The following ATF7IP variants were observed in gnomAD, a reference collection of about 807,000 sequenced individuals.
ATF7IP encodes activating transcription factor 7 interacting protein.
In ATF7IP, 23 loss-of-function variants were observed where a neutral mutation model predicts 106.4. The observed-to-expected ratio is 0.22, with a 90% CI of 0.16 to 0.31. The LOEUF (loss-of-function observed/expected upper bound fraction) is 0.31. ATF7IP is among the 10% of genes least tolerant of loss of function. The pLI, the probability that ATF7IP is intolerant of heterozygous loss-of-function variation, is 1.00. For missense variants in ATF7IP, 1,334 were observed against 1,524.3 expected (o/e 0.88, Z 2.08); for synonymous variants, 542 against 539.0 (o/e 1.01, Z -0.08).
At chr12:14,495,276 T>C (rs535782313) in intron 13 of ATF7IP, among the ~76,000 whole-genome samples, 1 of 152,336 alleles carries the variant, frequency 6.6e-6, no homozygotes, top group Non-Finnish European at 1.5e-5. Context: ...TTCAATCTAA[T>C]CAAGTTGACA....
At chr12:14,414,907 T>G (rs1941123149) in intron 1 of ATF7IP, among the ~76,000 whole-genome samples, 1 of 152,130 alleles carries the variant, frequency 6.6e-6, no homozygotes, top group South Asian at 2.1e-4. Flanking sequence ...GAAAAGTACG[T>G]TTGGACAAAT....
chr12:14,419,409 T>A (rs1477559846), intron 1 of ATF7IP: 1 of 152,226 alleles, frequency 6.6e-6, no homozygotes, highest in Non-Finnish European at 1.5e-5. Flanking sequence ...ATGAATTTTT[T>A]AAAAGGAATA....
At chr12:14,392,665 G>A (rs190091073) in intron 1 of ATF7IP, among the ~76,000 whole-genome samples, 14 of 152,322 alleles carry the variant, frequency 9.2e-5, no homozygotes, top group Admixed American at 5.9e-4. Flanking sequence ...CTTAAGGATT[G>A]TGAATGCTGT....
At chr12:14,432,932 G>A (rs963586974) in intron 2 of ATF7IP, among the ~76,000 whole-genome samples, 4 of 152,116 alleles carry the variant, frequency 2.6e-5, no homozygotes. Flanking sequence ...TAATGAGTAG[G>A]TTAGTTGAAG....
intron 5 of ATF7IP, among the ~76,000 whole-genome samples, chr12:14,443,291 T>C (rs1028215529): frequency 6.6e-6 from 1 of 152,208 alleles, no homozygotes; most frequent in African/African-American, 2.4e-5. Flanking sequence ...AGGTAATTCT[T>C]GTCTGATGTA....
At chr12:14,370,985 A>G (rs1359506472) in intron 1 of ATF7IP, among the ~76,000 whole-genome samples, 1 of 151,796 alleles carries the variant, frequency 6.6e-6, no homozygotes, top group Non-Finnish European at 1.5e-5. Flanking sequence ...CATAATAAAG[A>G]TAAAAAATTT....
At chr12:14,456,953 T>G (rs1943450493) in intron 7 of ATF7IP, among the ~76,000 whole-genome samples, 1 of 152,224 alleles carries the variant, frequency 6.6e-6, no homozygotes, top group South Asian at 2.1e-4. Flanking sequence ...GGACCTACTT[T>G]TGGTATTCAG....
At chr12:14,389,416 C>A (rs1260793711) in intron 1 of ATF7IP, among the ~76,000 whole-genome samples, 1 of 152,116 alleles carries the variant, frequency 6.6e-6, no homozygotes, top group Non-Finnish European at 1.5e-5. Context: ...TATAGTCTGG[C>A]TGAGTTCTTC....
chr12:14,390,241 T>C (rs935596384), intron 1 of ATF7IP, among the ~76,000 whole-genome samples: 4 of 152,194 alleles, frequency 2.6e-5, no homozygotes, highest in Admixed American at 2.6e-4. Context: ...TTTAGCCTAC[T>C]TTACTTGGTA....
chr12:14,480,949 T>A (rs200388365), intron 12 of ATF7IP, 54 bp from the exon 13 acceptor site: 263 of 1,520,712 alleles, frequency 1.7e-4, no homozygotes, highest in African/African-American at 5.5e-5. Flanking sequence ...TTAATACTGT[T>A]TGCTTAACGT....
intron 13 of ATF7IP, among the ~76,000 whole-genome samples, chr12:14,495,365 AC>A (rs1184294009): frequency 5.3e-5 from 8 of 152,348 alleles, no homozygotes; most frequent in African/African-American, 1.9e-4. Flanking sequence ...TTAAAGAAAC[AC>A]AGTAATGCTA....
chr12:14,417,063 G>A, intron 1 of ATF7IP: 1 of 426,746 alleles, frequency 2.3e-6, no homozygotes, highest in African/African-American at 2.1e-5. Flanking sequence ...AAAAAATTCT[G>A]ATAACAAATT....
chr12:14,447,426 T>C (rs1023452928), intron 6 of ATF7IP, among the ~76,000 whole-genome samples: 3 of 151,688 alleles, frequency 2.0e-5, no homozygotes, highest in Admixed American at 6.6e-5. Context: ...GGATTACAGG[T>C]GCCCACCACC....
At chr12:14,366,942 T>C (rs1938323969) in intron 1 of ATF7IP, among the ~76,000 whole-genome samples, 4 of 152,174 alleles carry the variant, frequency 2.6e-5, no homozygotes, top group African/African-American at 9.6e-5. Context: ...TATTAATAGT[T>C]TTTTAGGGAA....
At chr12:14,487,504 T>A (rs183295222) in intron 13 of ATF7IP, among the ~76,000 whole-genome samples, 1 of 152,312 alleles carries the variant, frequency 6.6e-6, no homozygotes, top group East Asian at 1.9e-4. Context: ...CAGGCTTTAT[T>A]TCCTCAGACA....
At chr12:14,413,003 G>T (rs1941004836) in intron 1 of ATF7IP, among the ~76,000 whole-genome samples, 1 of 152,144 alleles carries the variant, frequency 6.6e-6, no homozygotes, top group African/African-American at 2.4e-5. Flanking sequence ...GACAGAGAGG[G>T]ACCATGTCTC....
chr12:14,492,446 C>A (rs1377423791), intron 13 of ATF7IP, among the ~76,000 whole-genome samples: 1 of 152,150 alleles, frequency 6.6e-6, no homozygotes, highest in East Asian at 1.9e-4. Context: ...TGGGGTCTTT[C>A]CTCAAGGGGA....
At chr12:14,471,038 C>T (rs1427604176) in intron 10 of ATF7IP, among the ~76,000 whole-genome samples, 1 of 151,858 alleles carries the variant, frequency 6.6e-6, no homozygotes, top group East Asian at 1.9e-4. Flanking sequence ...CCTTTTGGGT[C>T]CTGGGTTGTT....
chr12:14,468,409 G>A (rs1192530814), intron 10 of ATF7IP, among the ~76,000 whole-genome samples: 11 of 151,182 alleles, frequency 7.3e-5, no homozygotes, highest in Admixed American at 7.2e-4. Flanking sequence ...GGGAGGTGAA[G>A]ACAGGAGGAT....
Sources: gnomAD v4.1 joint callset for allele counts (sites outside exome capture counted in the v4.1 genomes callset) on GRCh38, gnomAD v4.1.1 for gene constraint, MANE v1.5 for transcripts, NCBI Gene and HGNC (gene_info 2026-07-23, HGNC 2026-07-21) for gene names.